Variants in AGFG1 observed in about 807,000 individuals in gnomAD.
AGFG1 encodes the protein arf-GAP domain and FG repeat-containing protein 1.
Under a neutral mutation model 60.6 loss-of-function variants are expected in AGFG1, and 10 were observed. The ratio of observed to expected loss-of-function variants is 0.16; its 90% confidence interval spans 0.10 to 0.28. The LOEUF is 0.28. Among genes scored for constraint, AGFG1 ranks in the 10% least tolerant of loss-of-function variants. The pLI, the probability that AGFG1 is intolerant of heterozygous loss-of-function variation, is 1.00. For missense variants in AGFG1, 537 were observed against 676.5 expected, an observed-to-expected ratio of 0.79 and a Z score of 2.29; for synonymous variants, 247 against 242.9, an observed-to-expected ratio of 1.02 and a Z score of -0.16.
At chr2:227,487,160 T>G (rs969183870) in intron 1 of AGFG1, among the ~76,000 whole-genome samples, 6 of 152,224 alleles carry the variant, frequency 3.9e-5, no homozygotes, top group African/African-American at 1.4e-4. Flanking sequence ...TTCTTCAGCA[T>G]AGACGTTCAC....
intron 1 of AGFG1, among the ~76,000 whole-genome samples, chr2:227,489,408 G>A (rs1690734947): frequency 1.3e-5 from 2 of 150,868 alleles, no homozygotes; most frequent in Non-Finnish European, 3.0e-5. Flanking sequence ...TTTTAGTAGA[G>A]ATGGGGTTTC....
intron 10 of AGFG1, among the ~76,000 whole-genome samples, chr2:227,545,829 T>G (rs1692629357): frequency 6.6e-6 from 1 of 152,218 alleles, no homozygotes; most frequent in African/African-American, 2.4e-5. Context: ...ACAGCAAATG[T>G]TGCTGCCTGA....
chr2:227,472,708 G>C, intron 1 of AGFG1, 120 bp downstream of exon 1: 1 of 1,172,812 alleles, frequency 8.5e-7, no homozygotes, highest in Non-Finnish European at 1.1e-6. Flanking sequence ...GCGGTCGGGG[G>C]CGGCCGTTGG....
At chr2:227,490,779 T>G (rs1234434325) in intron 1 of AGFG1, among the ~76,000 whole-genome samples, 1 of 152,170 alleles carries the variant, frequency 6.6e-6, no homozygotes, top group Non-Finnish European at 1.5e-5. Context: ...AGTTATTAAA[T>G]CTGTTTGAGT....
chr2:227,475,254 C>T (rs778572516), intron 1 of AGFG1, among the ~76,000 whole-genome samples: 5 of 152,172 alleles, frequency 3.3e-5, no homozygotes, highest in African/African-American at 9.7e-5. Flanking sequence ...TCCCCAGCTC[C>T]TGGGTATACT....
intron 2 of AGFG1, among the ~76,000 whole-genome samples, chr2:227,499,758 GGTTTGT>G (rs1258623878): frequency 6.6e-6 from 1 of 152,230 alleles, no homozygotes; most frequent in Non-Finnish European, 1.5e-5. Flanking sequence ...TTCAGGCAGA[GGTTTGT>G]GTTAGGGGCC....
chr2:227,505,352 A>G (rs945613166), intron 2 of AGFG1, among the ~76,000 whole-genome samples: 1 of 151,928 alleles, frequency 6.6e-6, no homozygotes, highest in African/African-American at 2.4e-5. Flanking sequence ...GAATCTGTAC[A>G]TTTTTCATTT....
chr2:227,534,841 C>T lies in AGFG1; in HGVS notation c.1025-4C>T, dbSNP rs758172560. 1 of 1,610,304 alleles carries T rather than the reference C, an allele frequency of 6.2e-7. No homozygotes were observed. Among genetic ancestry groups the T allele is most frequent in the Non-Finnish European group, 8.5e-7 (1 of 1,178,118 alleles). On this transcript the variant is annotated splice_region_variant and splice_polypyrimidine_tract_variant and intron_variant, in intron 7 of 12. Transcript: ENST00000310078. ...TGGTGTAACTTGATTTTGTTCGTTC[C>T]CAGGTGGTGATCAGGGAAGTGGCTT...
intron 1 of AGFG1, among the ~76,000 whole-genome samples, chr2:227,490,577 C>CA (rs11448281): frequency 0.61 from 79,240 of 129,808 alleles, 22,852 homozygotes; most frequent in South Asian, 0.69. Flanking sequence ...GACTCCGTCT[C>CA]AAAAAAAAAA....
chr2:227,475,165 G>A lies in AGFG1; in HGVS notation c.167+2577G>A, dbSNP rs115486050. Among the ~76,000 whole-genome samples, 513 of 152,204 alleles carry A rather than the reference G, an allele frequency of 3.4e-3. 3 individuals are homozygous for A. Among genetic ancestry groups the A allele is most frequent in the African/African-American group, 0.012 (488 of 41,510 alleles). On this transcript the variant is annotated intron_variant, in intron 1 of 12. Coordinates refer to ENST00000310078, the MANE Select transcript of AGFG1 (RefSeq NM_004504.5). ...TCTAATTGGTTTAAAAATATGAAGGGTTTATTGATTGATTTTAAAGTAAAA... is the reference window on the plus strand; with the variant it reads ...TCTAATTGGTTTAAAAATATGAAGGATTTATTGATTGATTTTAAAGTAAAA...
At chr2:227,540,288 C>T (rs4401201) in intron 10 of AGFG1, among the ~76,000 whole-genome samples, 90,989 of 151,298 alleles carry the variant, frequency 0.6, 27,405 homozygotes, top group South Asian at 0.7. Context: ...TGGTGTGCTG[C>T]ACCCATTAAC....
intron 2 of AGFG1, among the ~76,000 whole-genome samples, chr2:227,509,576 T>C (rs991062788): frequency 6.6e-6 from 1 of 152,142 alleles, no homozygotes; most frequent in Admixed American, 6.5e-5. Flanking sequence ...AGGCTTGTTA[T>C]GTCACCAATT....
intron 1 of AGFG1, among the ~76,000 whole-genome samples, chr2:227,473,544 G>A (rs1288769813): frequency 6.6e-6 from 1 of 152,148 alleles, no homozygotes; most frequent in African/African-American, 2.4e-5. Flanking sequence ...GTTGTTCTTT[G>A]CTTCATTAAG....
At chr2:227,506,558 T>TA (rs5839223) in intron 2 of AGFG1, among the ~76,000 whole-genome samples, 7,542 of 106,222 alleles carry the variant, frequency 0.071, 440 homozygotes, top group African/African-American at 0.16. Context: ...TGATGTTCCT[T>TA]AAAAAAAAAA....
At chr2:227,498,868 TA>T (rs1281981689) in intron 2 of AGFG1, among the ~76,000 whole-genome samples, 1 of 152,248 alleles carries the variant, frequency 6.6e-6, no homozygotes, top group Non-Finnish European at 1.5e-5. Context: ...TAGCTTCCTG[TA>T]ATCTCTTAGC....
At chr2:227,491,390 T>A (rs1454413813) in intron 1 of AGFG1, among the ~76,000 whole-genome samples, 157 bp from the exon 2 acceptor site, 1 of 152,144 alleles carries the variant, frequency 6.6e-6, no homozygotes, top group Non-Finnish European at 1.5e-5. Flanking sequence ...ATTATTAAGT[T>A]TAATAGTTTA....
intron 1 of AGFG1, among the ~76,000 whole-genome samples, chr2:227,487,747 G>A (rs1387172033): frequency 6.7e-6 from 1 of 149,208 alleles, no homozygotes; most frequent in East Asian, 2.0e-4. Context: ...GTAGGGTGGG[G>A]TGTGGGTGGT....
rs1420432082 is a variant in AGFG1 at position 227,508,174 on chromosome 2, T to C, written c.262-11774T>C. The C allele has an allele frequency of 2.0e-5, 3 of 153,636 alleles. No individual in the cohort carries two copies. The East Asian group carries it at 5.7e-4, about 29-fold the overall frequency. 9.5% of individuals were successfully genotyped at this position (153,636 alleles called of 1,614,324 possible). A position where few individuals can be genotyped will look rare whatever the true frequency, so the allele number is the denominator to read the frequency against. ...TTCTCTCTGTTCCTTGGCCAATGAC[T>C]ACATTCTAAACCTCGGTCAGCTGCC... On this transcript the variant is annotated intron_variant, in intron 2 of 12. Coordinates refer to ENST00000310078, the MANE Select transcript of AGFG1 (RefSeq NM_004504.5).
intron 5 of AGFG1, among the ~76,000 whole-genome samples, chr2:227,529,453 T>C (rs1575100796): frequency 6.6e-6 from 1 of 152,180 alleles, no homozygotes; most frequent in African/African-American, 2.4e-5. Context: ...AGCATTGTTT[T>C]GTAGGGAAAC....
Sources: allele counts gnomAD v4.1 joint callset (sites outside exome capture counted in the v4.1 genomes callset), GRCh38; gene constraint gnomAD v4.1.1; transcripts MANE v1.5; gene names NCBI Gene and HGNC (gene_info 2026-07-23, HGNC 2026-07-21).